The following PALM2AKAP2 variants were observed in gnomAD, a reference collection of about 807,000 sequenced individuals.
PALM2AKAP2 encodes the protein PALM2-AKAP2 fusion protein.
A neutral mutation model predicts 71.5 loss-of-function variants in PALM2AKAP2; 37 were observed. That is an observed-to-expected ratio of 0.52 (90% CI 0.40 to 0.68). The LOEUF (loss-of-function observed/expected upper bound fraction) is 0.68. Among genes scored for constraint, PALM2AKAP2 ranks in the 30% least tolerant of loss-of-function variants. PALM2AKAP2 has a pLI of 0.00. For synonymous variants in PALM2AKAP2, 468 were observed against 478.8 expected (o/e 0.98, Z 0.29); for missense variants, 1,224 against 1,191.8 (o/e 1.03, Z -0.40).
intron 3 of PALM2AKAP2, among the ~76,000 whole-genome samples, chr9:109,908,084 T>C (rs1237128140): frequency 6.6e-6 from 1 of 152,212 alleles, no homozygotes; most frequent in African/African-American, 2.4e-5. Context: ...ACTATATTGA[T>C]TGAGCACAGG....
chr9:110,126,818 C>A (rs1185831515), intron 1 of PALM2AKAP2, among the ~76,000 whole-genome samples: 2 of 152,210 alleles, frequency 1.3e-5, no homozygotes, highest in Non-Finnish European at 2.9e-5. Context: ...TAAATATATT[C>A]ATCAAATAAC....
chr9:109,874,684 G>A (rs1829680791), intron 2 of PALM2AKAP2, among the ~76,000 whole-genome samples: 1 of 152,134 alleles, frequency 6.6e-6, no homozygotes, highest in South Asian at 2.1e-4. Flanking sequence ...AGAAGCCTCT[G>A]AAACTTAACA....
intron 1 of PALM2AKAP2, among the ~76,000 whole-genome samples, chr9:109,842,522 G>T (rs758944828): frequency 2.0e-5 from 3 of 152,182 alleles, no homozygotes; most frequent in Non-Finnish European, 4.4e-5. Context: ...ACAAACTGAA[G>T]AAGTGGCTTA....
chr9:109,837,160 T>G (rs755204999), intron 1 of PALM2AKAP2, among the ~76,000 whole-genome samples: 3 of 152,176 alleles, frequency 2.0e-5, no homozygotes, highest in African/African-American at 4.8e-5. Context: ...GGGAAGCCCA[T>G]CAGACTAACA....
chr9:109,702,068 A>G (rs867134210), intron 1 of PALM2AKAP2, among the ~76,000 whole-genome samples: 33 of 152,306 alleles, frequency 2.2e-4, no homozygotes, highest in African/African-American at 7.0e-4. Context: ...TTAGAATGGC[A>G]ATCATTAAAA....
intron 1 of PALM2AKAP2, among the ~76,000 whole-genome samples, chr9:109,847,098 G>A (rs1049496879): frequency 1.3e-5 from 2 of 151,900 alleles, no homozygotes; most frequent in Non-Finnish European, 2.9e-5. Flanking sequence ...CAAATCCCTG[G>A]GACCTATGTG....
intron 6 of PALM2AKAP2, chr9:109,942,775 G>A: frequency 6.2e-7 from 1 of 1,614,140 alleles, no homozygotes; most frequent in Non-Finnish European, 8.5e-7. Flanking sequence ...CCCAGAGGGG[G>A]TCCATCAGAA....
At chr9:109,817,821 C>A (rs894038544) in intron 1 of PALM2AKAP2, among the ~76,000 whole-genome samples, 1 of 152,140 alleles carries the variant, frequency 6.6e-6, no homozygotes, top group African/African-American at 2.4e-5. Flanking sequence ...CCCTCAATTT[C>A]ATGGATTTAG....
intron 1 of PALM2AKAP2, among the ~76,000 whole-genome samples, chr9:110,082,880 G>T (rs1445672218): frequency 1.3e-5 from 2 of 152,154 alleles, no homozygotes; most frequent in Admixed American, 6.5e-5. Context: ...GGTGACTCAC[G>T]CCTGTAATCC....
At chr9:109,664,032 A>G (rs545791185) in intron 1 of PALM2AKAP2, among the ~76,000 whole-genome samples, 1 of 150,370 alleles carries the variant, frequency 6.7e-6, no homozygotes, top group Admixed American at 6.6e-5. Flanking sequence ...TTTGTTTTTC[A>G]TTTGCTTGGT....
chr9:109,883,618 G>A (rs574921595), intron 3 of PALM2AKAP2, among the ~76,000 whole-genome samples: 1 of 152,354 alleles, frequency 6.6e-6, no homozygotes, highest in South Asian at 2.1e-4. Flanking sequence ...TGGGAAGAAA[G>A]AGCTGTTATC....
rs780805317 is a variant in PALM2AKAP2 at position 110,138,507 on chromosome 9, T to A, written c.2537T>A (p.Leu846Gln). 3 of 1,611,758 alleles carry A rather than the reference T, an allele frequency of 1.9e-6. No homozygotes were observed. The South Asian group carries it at 3.3e-5, about 18-fold the overall frequency. The change falls in exon 2 of 4, where the codon CTG (leucine) becomes CAG (glutamine). Residue 846 changes from leucine (L) to glutamine (Q), a missense_variant. Leu to Gln is a moderately radical substitution (Grantham distance 113). Coordinates refer to ENST00000374525, the Ensembl canonical transcript of PALM2AKAP2. ...CCCAGGACAAAGAATGCCCCATCAC[T>A]GCCCTCCAGAACATGCTACAAAACT...
intron 1 of PALM2AKAP2, among the ~76,000 whole-genome samples, chr9:109,836,958 G>C (rs1243115028): frequency 1.3e-5 from 2 of 152,194 alleles, no homozygotes; most frequent in Non-Finnish European, 2.9e-5. Flanking sequence ...ACACTCTGCA[G>C]GATATTATCC....
At chr9:110,017,364 G>C (rs767779175) in intron 7 of PALM2AKAP2, among the ~76,000 whole-genome samples, 1 of 152,236 alleles carries the variant, frequency 6.6e-6, no homozygotes, top group Non-Finnish European at 1.5e-5. Flanking sequence ...TAGTCAAAAA[G>C]TCAACTAATC....
At chr9:109,664,442 T>A (rs1308271320) in intron 1 of PALM2AKAP2, among the ~76,000 whole-genome samples, 1 of 152,218 alleles carries the variant, frequency 6.6e-6, no homozygotes, top group Non-Finnish European at 1.5e-5. Context: ...TCTCATTCAC[T>A]TTTGAAGCTT....
At chr9:109,957,406 G>A (rs148256947) in intron 6 of PALM2AKAP2, among the ~76,000 whole-genome samples, 4 of 152,192 alleles carry the variant, frequency 2.6e-5, no homozygotes, top group Admixed American at 6.5e-5. Context: ...GCTGACTCCC[G>A]CACAGAAGAC....
intron 1 of PALM2AKAP2, among the ~76,000 whole-genome samples, chr9:110,119,382 G>A (rs1835437248): frequency 6.7e-6 from 1 of 150,300 alleles, no homozygotes; most frequent in Non-Finnish European, 1.5e-5. Context: ...GAAGATAACA[G>A]TTCCCTATTA....
intron 1 of PALM2AKAP2, among the ~76,000 whole-genome samples, chr9:109,654,591 C>T (rs1827270209): frequency 6.6e-6 from 1 of 152,172 alleles, no homozygotes; most frequent in Admixed American, 6.5e-5. Context: ...CAGCCTTCAT[C>T]AGCTGTACAA....
intron 6 of PALM2AKAP2, among the ~76,000 whole-genome samples, chr9:109,955,998 A>G (rs1831739928): frequency 6.6e-6 from 1 of 151,846 alleles, no homozygotes; most frequent in Admixed American, 6.6e-5. Context: ...TGTTTGTTTT[A>G]AGGAAAGACT....
Sources: gnomAD v4.1 joint callset for allele counts (sites outside exome capture counted in the v4.1 genomes callset) on GRCh38, gnomAD v4.1.1 for gene constraint, MANE v1.5 for transcripts, NCBI Gene and HGNC (gene_info 2026-07-23, HGNC 2026-07-21) for gene names.